The following VPS53 variants were observed in gnomAD, a reference collection of about 807,000 sequenced individuals.
VPS53 encodes vacuolar protein sorting-associated protein 53 homolog.
VPS53 carries 70 observed loss-of-function variants against 107.0 expected under a neutral mutation model. The ratio of observed to expected loss-of-function variants is 0.65; its 90% CI spans 0.54 to 0.80. The LOEUF is 0.80. Ranked by LOEUF, VPS53 falls within the 30% of genes least tolerant of loss-of-function variation. The pLI is 0.00. For missense variants in VPS53, 917 were observed against 1,049.4 expected, an observed-to-expected ratio of 0.87 and a Z score of 1.74; for synonymous variants, 409 against 393.3, an observed-to-expected ratio of 1.04 and a Z score of -0.47.
rs1252288291 is a variant in VPS53 at position 523,885 on chromosome 17, C to T, written c.2086-2147G>A. Among the ~76,000 whole-genome samples the T allele has an allele frequency of 2.6e-5, 4 of 152,194 alleles. No individual in the cohort carries two copies. In the East Asian group the frequency reaches 5.8e-4, roughly 22 times the overall value. ...CTCAAGGCCCACGTGAAGAGCCTGG[C>T]GTTAGCGCACTTTCCAGAATTCCAG... On this transcript the variant is annotated intron_variant, in intron 19 of 21. Coordinates refer to ENST00000437048, the MANE Select transcript of VPS53 (RefSeq NM_001128159.3).
chr17:579,485 C>T (rs1414658028), intron 13 of VPS53, among the ~76,000 whole-genome samples: 2 of 150,624 alleles, frequency 1.3e-5, no homozygotes, highest in Non-Finnish European at 3.0e-5. Context: ...TCCCTCAGAA[C>T]CTCAGTGCGT....
chr17:530,815 G>C (rs1239326188), intron 19 of VPS53, among the ~76,000 whole-genome samples: 1 of 152,144 alleles, frequency 6.6e-6, no homozygotes, highest in Non-Finnish European at 1.5e-5. Context: ...ACGTGCCCTT[G>C]CAATTGCTCG....
intron 4 of VPS53, among the ~76,000 whole-genome samples, chr17:662,571 C>T (rs1022249579): frequency 6.6e-6 from 1 of 151,932 alleles, no homozygotes; most frequent in African/African-American, 2.4e-5. Flanking sequence ...CACCTGTAGT[C>T]CCAGCTACTC....
intron 2 of VPS53, among the ~76,000 whole-genome samples, chr17:699,711 T>C (rs1033505265): frequency 2.6e-5 from 4 of 152,208 alleles, no homozygotes; most frequent in Non-Finnish European, 5.9e-5. Flanking sequence ...GTATTTACTA[T>C]CTGGACCTTT....
At chr17:521,813 A>C (rs1330267723) in intron 19 of VPS53, 75 bp from the exon 20 acceptor site, 1 of 1,361,924 alleles carries the variant, frequency 7.3e-7, no homozygotes, top group African/African-American at 1.5e-5. Flanking sequence ...CCGATGAGTC[A>C]TGTTTTTCTC....
intron 7 of VPS53, among the ~76,000 whole-genome samples, chr17:651,241 A>G (rs186516593): frequency 3.2e-4 from 48 of 152,236 alleles, no homozygotes; most frequent in Non-Finnish European, 6.3e-4. Flanking sequence ...AACAATTACC[A>G]CCTCTGAGGA....
intron 7 of VPS53, among the ~76,000 whole-genome samples, 166 bp from the exon 8 acceptor site, chr17:631,794 G>A (rs568159885): frequency 6.6e-6 from 1 of 152,034 alleles, no homozygotes; most frequent in East Asian, 1.9e-4. Context: ...AGGTTGATGA[G>A]CAGGACCCAG....
At chr17:535,355 C>T (rs930857958) in intron 18 of VPS53, among the ~76,000 whole-genome samples, 10 of 151,628 alleles carry the variant, frequency 6.6e-5, no homozygotes, top group African/African-American at 1.7e-4. Context: ...TTCACTTTAA[C>T]GTAAGCTCAA....
chr17:672,766 G>A (rs1445489339), intron 4 of VPS53, among the ~76,000 whole-genome samples: 1 of 152,214 alleles, frequency 6.6e-6, no homozygotes, highest in Non-Finnish European at 1.5e-5. Flanking sequence ...TAAAGGGCTT[G>A]TAAGGAATAC....
At chr17:541,328 CCA>C (rs1427309261) in intron 17 of VPS53, among the ~76,000 whole-genome samples, 1 of 152,228 alleles carries the variant, frequency 6.6e-6, no homozygotes, top group African/African-American at 2.4e-5. Flanking sequence ...CAACCGCCTG[CCA>C]CACACTGAAG....
chr17:623,345 C>T (rs749052939), intron 11 of VPS53, among the ~76,000 whole-genome samples, 188 bp downstream of exon 11: 6 of 152,116 alleles, frequency 3.9e-5, no homozygotes, highest in African/African-American at 1.4e-4. Context: ...TGATGTACTG[C>T]GTAAGAGACA....
At position 687,218 on chromosome 17, in the gene VPS53, G is replaced by A. The variant is rs977960440; in HGVS notation, c.285+10200C>T. On this transcript the variant is annotated intron_variant, in intron 4 of 21. Transcript: ENST00000437048. The stretch of plus-strand genomic sequence containing the variant: ...GGAGAATCACTTGAACCCAGGAGAC[G>A]GAGGTTGCAGTGAGCAGAGATCGTA... 5.9e-5 allele frequency among the ~76,000 whole-genome samples: 9 copies of A among 151,678 alleles called. No individual in the cohort carries two copies. In the East Asian group the frequency reaches 9.8e-4, roughly 16 times the overall value.
intron 7 of VPS53, among the ~76,000 whole-genome samples, chr17:650,543 A>G (rs565943862): frequency 5.3e-5 from 8 of 152,310 alleles, no homozygotes; most frequent in Non-Finnish European, 1.2e-4. Context: ...AAGGAAAATG[A>G]AAATTAAAGG....
At chr17:701,438 C>T (rs567741430) in intron 2 of VPS53, among the ~76,000 whole-genome samples, 21 of 150,874 alleles carry the variant, frequency 1.4e-4, no homozygotes, top group African/African-American at 4.4e-4. Flanking sequence ...AGTGCAATGG[C>T]GCGATCTCGG....
intron 2 of VPS53, among the ~76,000 whole-genome samples, chr17:702,507 C>CA (rs560630306): frequency 1.7e-4 from 26 of 150,650 alleles, no homozygotes; most frequent in South Asian, 4.2e-4. Context: ...ACTAAAAATA[C>CA]AAAAAAAAAT....
Position 524,192 on chromosome 17 carries a change from G to A in VPS53, c.2086-2454C>T, listed in dbSNP as rs995293871. ...CGCATGCCTGTAATCCCAGCTACTC[G>A]GGAGGCTGAGGCAGGAGAATTGCTT... On this transcript the variant is annotated intron_variant, in intron 19 of 21. Coordinates refer to ENST00000437048, the MANE Select transcript of VPS53 (RefSeq NM_001128159.3). The surrounding 1 kb of genome is among the most constrained non-coding windows in gnomAD (Gnocchi z 4.5). Among the ~76,000 whole-genome samples the A allele has an allele frequency of 2.4e-4, 37 of 152,080 alleles. No individual in the cohort carries two copies. Among genetic ancestry groups the A allele is most frequent in the African/African-American group, 7.5e-4 (31 of 41,502 alleles).
At chr17:689,807 G>C (rs1281073078) in intron 4 of VPS53, among the ~76,000 whole-genome samples, 1 of 152,068 alleles carries the variant, frequency 6.6e-6, no homozygotes, top group Non-Finnish European at 1.5e-5. Flanking sequence ...TGCATAATAT[G>C]CTAATTTTGA....
chr17:607,430 C>T (rs566824288), intron 11 of VPS53, among the ~76,000 whole-genome samples: 1 of 152,330 alleles, frequency 6.6e-6, no homozygotes, highest in African/African-American at 2.4e-5. Flanking sequence ...TGTGGATATG[C>T]ATTCCCGCTA....
At chr17:711,752 T>C (rs569129990) in intron 1 of VPS53, among the ~76,000 whole-genome samples, 32 of 151,330 alleles carry the variant, frequency 2.1e-4, no homozygotes, top group Non-Finnish European at 8.8e-5. Flanking sequence ...CTGGTTCCAA[T>C]GATGGAGGAA....
Sources: allele counts gnomAD v4.1 joint callset (sites outside exome capture counted in the v4.1 genomes callset), GRCh38; gene constraint gnomAD v4.1.1; non-coding constraint Gnocchi (gnomAD v3.1); transcripts MANE v1.5; gene names NCBI Gene and HGNC (gene_info 2026-07-23, HGNC 2026-07-21).